The following SPEF2 variants were observed in gnomAD, a reference collection of about 807,000 sequenced individuals.
The protein encoded by SPEF2 is sperm flagella and cilia-associated protein 2.
In SPEF2, 187 loss-of-function variants were observed where a neutral mutation model predicts 224.6. That is an observed-to-expected ratio of 0.83 (90% CI 0.74 to 0.94). The LOEUF (loss-of-function observed/expected upper bound fraction) is 0.94, where lower values mean the gene tolerates loss of function less well. SPEF2 is among the 40% of genes least tolerant of loss of function. SPEF2 has a pLI of 0.00. For synonymous variants in SPEF2, 715 were observed against 707.3 expected, an observed-to-expected ratio of 1.01 and a Z score of -0.17; for missense variants, 2,170 against 2,135.6, an observed-to-expected ratio of 1.02 and a Z score of -0.32.
At chr5:35,801,919 T>C (rs879742133) in intron 34 of SPEF2, among the ~76,000 whole-genome samples, 3 of 152,200 alleles carry the variant, frequency 2.0e-5, no homozygotes, top group Non-Finnish European at 4.4e-5. Flanking sequence ...CAGTAAACAT[T>C]GCATTCATTA....
At chr5:35,809,323 G>T (rs1758394929) in intron 36 of SPEF2, among the ~76,000 whole-genome samples, 1 of 152,164 alleles carries the variant, frequency 6.6e-6, no homozygotes, top group Non-Finnish European at 1.5e-5. Flanking sequence ...ATTTTTACAT[G>T]CAGGAATTGC....
intron 20 of SPEF2, among the ~76,000 whole-genome samples, chr5:35,719,256 A>G (rs1245689152): frequency 6.6e-6 from 1 of 152,192 alleles, no homozygotes. Flanking sequence ...ATAGGGGAAA[A>G]CTTAAAAACA....
intron 10 of SPEF2, chr5:35,684,032 A>G (rs1170353406): frequency 1.3e-5 from 2 of 152,182 alleles, no homozygotes; most frequent in Non-Finnish European, 2.9e-5. Flanking sequence ...TCAGATGTCT[A>G]TTTACAATAC....
At chr5:35,645,113 G>A (rs59891586) in intron 4 of SPEF2, among the ~76,000 whole-genome samples, 14,213 of 152,134 alleles carry the variant, frequency 0.093, 777 homozygotes, top group East Asian at 0.18. Flanking sequence ...CTTTGTGGGT[G>A]AGAGAATAAT....
At chr5:35,706,650 A>G (rs1297886898) in intron 18 of SPEF2, among the ~76,000 whole-genome samples, 1 of 152,148 alleles carries the variant, frequency 6.6e-6, no homozygotes, top group Non-Finnish European at 1.5e-5. Context: ...TTGATAGCAT[A>G]CTGTCTCCTG....
At chr5:35,762,461 T>G (rs1751441109) in intron 25 of SPEF2, among the ~76,000 whole-genome samples, 1 of 152,198 alleles carries the variant, frequency 6.6e-6, no homozygotes, top group Non-Finnish European at 1.5e-5. Flanking sequence ...ATTTAATTTG[T>G]GGGTAGATGA....
chr5:35,739,436 G>C (rs1747200264), intron 21 of SPEF2, among the ~76,000 whole-genome samples: 2 of 152,184 alleles, frequency 1.3e-5, no homozygotes, highest in African/African-American at 4.8e-5. Context: ...AGGCTGGAGT[G>C]CAACAGCATG....
chr5:35,680,682 C>T (rs1033457137), intron 10 of SPEF2, among the ~76,000 whole-genome samples: 1 of 152,086 alleles, frequency 6.6e-6, no homozygotes, highest in African/African-American at 2.4e-5. Context: ...TTATAGGACA[C>T]ATTGGAAGGG....
intron 7 of SPEF2, among the ~76,000 whole-genome samples, chr5:35,657,221 T>C (rs1749085414): frequency 6.6e-6 from 1 of 152,232 alleles, no homozygotes; most frequent in Non-Finnish European, 1.5e-5. Context: ...TTTCAAGTTG[T>C]TCCAGTTTCT....
intron 19 of SPEF2, among the ~76,000 whole-genome samples, chr5:35,711,584 T>C (rs13359524): frequency 0.51 from 69,838 of 137,862 alleles, 18,286 homozygotes; most frequent in East Asian, 0.66. Context: ...TCCCTCCCTC[T>C]CTCCCTTCTT....
Position 35,806,786 on chromosome 5 carries a change from A to G in SPEF2, c.5090A>G (p.Lys1697Arg), listed in dbSNP as rs1463141509. 2.5e-6 allele frequency: 4 copies of G among 1,614,040 alleles called. No homozygotes were observed. Among genetic ancestry groups the G allele is most frequent in the East Asian group, 2.2e-5 (1 of 44,876 alleles). The change falls in exon 35 of 37, where the codon AAA (lysine) becomes AGA (arginine). Residue 1697 changes from lysine (K) to arginine (R), a missense_variant. Coordinates refer to ENST00000356031, the MANE Select transcript of SPEF2 (RefSeq NM_024867.4). The part of the protein sequence containing the change: ...ENAAREERKL[K>R]DDTEKREQKD... ...GCTGCAAGAGAAGAAAGGAAATTAA[A>G]AGACGACACGGAGAAAAGGGAACAG...
In SPEF2 at chr5:35,644,484, C is replaced by G; in HGVS notation, c.544C>G (p.Gln182Glu). Reference sequence around the variant, plus strand: ...GCATTTTGAGAAACTTGAAAGATTTCAAAAACTCAAGGAAGAGCAAAGATG... The same window carrying G: ...GCATTTTGAGAAACTTGAAAGATTTGAAAAACTCAAGGAAGAGCAAAGATG... ...HLHFEKLERFQKLKEEQRCFD... is the reference protein window; with the variant it reads ...HLHFEKLERFEKLKEEQRCFD... The change falls in exon 4 of 37, where the codon CAA becomes GAA. Residue 182 changes from glutamine to glutamate, a missense_variant. Transcript: ENST00000356031. 1 of 1,604,732 alleles carries G rather than the reference C, an allele frequency of 6.2e-7. No individual in the cohort carries two copies. Among genetic ancestry groups the G allele is most frequent in the Non-Finnish European group, 8.5e-7 (1 of 1,177,418 alleles).
At chr5:35,714,437 A>AT (rs1742097514) in intron 20 of SPEF2, among the ~76,000 whole-genome samples, 1 of 151,858 alleles carries the variant, frequency 6.6e-6, no homozygotes, top group South Asian at 2.1e-4. Context: ...CTTTTACGGT[A>AT]TTTGGATATG....
At chr5:35,665,384 A>C (rs1236763656) in intron 8 of SPEF2, among the ~76,000 whole-genome samples, 1 of 147,870 alleles carries the variant, frequency 6.8e-6, no homozygotes. Context: ...TTGATGGTAG[A>C]TATAGAAAAG....
chr5:35,738,598 C>T (rs1469110795), intron 21 of SPEF2, among the ~76,000 whole-genome samples: 1 of 148,610 alleles, frequency 6.7e-6, no homozygotes, highest in Non-Finnish European at 1.5e-5. Context: ...CTATTGAAAG[C>T]TTTGCTCTTG....
At chr5:35,667,805 C>A (rs13177154) in intron 9 of SPEF2, among the ~76,000 whole-genome samples, 52,530 of 151,820 alleles carry the variant, frequency 0.35, 9,871 homozygotes, top group South Asian at 0.45. Flanking sequence ...ATGAAGTATT[C>A]TCAAAATTCA....
chr5:35,643,398 A>G, intron 3 of SPEF2: 1 of 432,250 alleles, frequency 2.3e-6, no homozygotes, highest in Non-Finnish European at 4.6e-6. Context: ...GGAGATGAGG[A>G]AGAGGGTAAC....
intron 27 of SPEF2, among the ~76,000 whole-genome samples, chr5:35,773,428 G>A (rs1467240285): frequency 1.3e-5 from 2 of 152,016 alleles, no homozygotes; most frequent in Non-Finnish European, 2.9e-5. Context: ...ACAATCACCC[G>A]CATTTCACCC....
At chr5:35,637,687 C>T (rs1746032940) in intron 2 of SPEF2, among the ~76,000 whole-genome samples, 1 of 152,146 alleles carries the variant, frequency 6.6e-6, no homozygotes, top group Admixed American at 6.5e-5. Context: ...CTAACCCATA[C>T]CTACATCTCA....
Sources: allele counts gnomAD v4.1 joint callset (sites outside exome capture counted in the v4.1 genomes callset), GRCh38; gene constraint gnomAD v4.1.1; transcripts MANE v1.5; gene names NCBI Gene and HGNC (gene_info 2026-07-23, HGNC 2026-07-21).